The following PSMD14 variants were observed in gnomAD, a reference collection of about 807,000 sequenced individuals.
The protein encoded by PSMD14 is proteasome 26S subunit, non-ATPase 14, also known as ubiquitin C-terminal hydrolase PSMD14.
A neutral mutation model predicts 41.2 loss-of-function variants in PSMD14; 7 were observed. The observed-to-expected ratio is 0.17, with a 90% CI of 0.10 to 0.32. The LOEUF (loss-of-function observed/expected upper bound fraction) is 0.32, where lower values mean the gene tolerates loss of function less well. Among genes scored for constraint, PSMD14 ranks in the 10% least tolerant of loss-of-function variants. PSMD14 has a pLI of 1.00. For missense variants in PSMD14, 139 were observed against 375.6 expected, an observed-to-expected ratio of 0.37 and a Z score of 5.21; for synonymous variants, 114 against 122.3, an observed-to-expected ratio of 0.93 and a Z score of 0.45.
intron 8 of PSMD14, among the ~76,000 whole-genome samples, chr2:161,389,889 GT>G (rs1162637393): frequency 2.8e-3 from 57 of 20,048 alleles, no homozygotes; most frequent in African/African-American, 4.7e-3. Flanking sequence ...CTTTTTTGTT[GT>G]TTTTTTTTTT....
At chr2:161,359,093 T>C (rs1316572277) in intron 3 of PSMD14, among the ~76,000 whole-genome samples, 1 of 152,018 alleles carries the variant, frequency 6.6e-6, no homozygotes, top group Non-Finnish European at 1.5e-5. Context: ...CTTAACCTTC[T>C]GAGTAGCTGG....
At chr2:161,388,518 G>A (rs1033655555) in intron 8 of PSMD14, among the ~76,000 whole-genome samples, 2 of 151,970 alleles carry the variant, frequency 1.3e-5, no homozygotes, top group Admixed American at 1.3e-4. Context: ...AAGTCATTTA[G>A]CAAAAACTCT....
chr2:161,347,561 A>G (rs1325247457), intron 3 of PSMD14, among the ~76,000 whole-genome samples: 1 of 152,234 alleles, frequency 6.6e-6, no homozygotes, highest in Non-Finnish European at 1.5e-5. Flanking sequence ...TTCAAATTAA[A>G]TAGTTAATTG....
At chr2:161,351,128 T>C (rs1328795117) in intron 3 of PSMD14, among the ~76,000 whole-genome samples, 1 of 152,200 alleles carries the variant, frequency 6.6e-6, no homozygotes, top group Non-Finnish European at 1.5e-5. Flanking sequence ...AAGATAAAAA[T>C]TATGTTCTTC....
chr2:161,356,198 C>T (rs926279849), intron 3 of PSMD14, among the ~76,000 whole-genome samples: 6 of 152,058 alleles, frequency 3.9e-5, no homozygotes, highest in African/African-American at 7.2e-5. Flanking sequence ...TGGGTTAGGA[C>T]GATGGGGAAC....
intron 8 of PSMD14, among the ~76,000 whole-genome samples, chr2:161,386,235 ATG>A (rs1168119198): frequency 6.6e-6 from 1 of 151,828 alleles, no homozygotes; most frequent in Non-Finnish European, 1.5e-5. Context: ...ATTATTTTAA[ATG>A]TGTTTTTAAA....
chr2:161,344,587 A>G (rs1683014647), intron 3 of PSMD14, among the ~76,000 whole-genome samples: 2 of 151,884 alleles, frequency 1.3e-5, no homozygotes, highest in South Asian at 4.2e-4. Flanking sequence ...TTTTAAAGAG[A>G]GTTAAATAAG....
chr2:161,318,968 C>A, intron 3 of PSMD14, 95 bp downstream of exon 3: 1 of 925,598 alleles, frequency 1.1e-6, no homozygotes, highest in Non-Finnish European at 1.7e-6. Context: ...AAGAAAATCA[C>A]CTAACAGATA....
intron 3 of PSMD14, among the ~76,000 whole-genome samples, chr2:161,361,077 T>A (rs1356198389): frequency 6.6e-6 from 1 of 152,232 alleles, no homozygotes; most frequent in African/African-American, 2.4e-5. Flanking sequence ...ATGTGCTTCT[T>A]CACCCAGATC....
intron 3 of PSMD14, 90 bp downstream of exon 3, chr2:161,318,963 A>T: frequency 1.0e-6 from 1 of 998,788 alleles, no homozygotes; most frequent in Non-Finnish European, 1.5e-6. Context: ...TCCCCAAGAA[A>T]ATCACCTAAC....
At chr2:161,311,634 T>A (rs926256118) in intron 1 of PSMD14, among the ~76,000 whole-genome samples, 1 of 145,172 alleles carries the variant, frequency 6.9e-6, no homozygotes. Flanking sequence ...CCTTTTTTTT[T>A]TTTTTTTTTT....
intron 9 of PSMD14, among the ~76,000 whole-genome samples, chr2:161,392,258 A>G (rs1034797525): frequency 6.6e-6 from 1 of 152,216 alleles, no homozygotes; most frequent in African/African-American, 2.4e-5. Context: ...GCATTTTTTA[A>G]AAGAACACTG....
At chr2:161,394,284 T>C (rs1311216745) in intron 9 of PSMD14, among the ~76,000 whole-genome samples, 2 of 152,132 alleles carry the variant, frequency 1.3e-5, no homozygotes, top group African/African-American at 2.4e-5. Flanking sequence ...GATAAATCTT[T>C]TATTTGAGAA....
intron 11 of PSMD14, among the ~76,000 whole-genome samples, chr2:161,409,116 T>G (rs1683992575): frequency 6.6e-6 from 1 of 152,124 alleles, no homozygotes; most frequent in African/African-American, 2.4e-5. Context: ...TTATCGTCAG[T>G]GAAAATAATT....
At position 161,311,331 on chromosome 2, in the gene PSMD14, A is replaced by G. The variant is rs987036626; in HGVS notation, c.-138+2727A>G. On this transcript the variant is annotated intron_variant, in intron 1 of 11. Transcript: ENST00000409682. Reference sequence around the variant, plus strand: ...CTCAAAAAAGGAAAAAAAAAATTGCATCTATATTGAACATGTATAGACATT... The same window carrying G: ...CTCAAAAAAGGAAAAAAAAAATTGCGTCTATATTGAACATGTATAGACATT... 8.5e-5 allele frequency among the ~76,000 whole-genome samples: 13 copies of G among 152,202 alleles called. No homozygotes were observed. In the East Asian group the frequency reaches 1.4e-3, roughly 16 times the overall value.
intron 10 of PSMD14, among the ~76,000 whole-genome samples, chr2:161,396,896 C>T (rs1042686429): frequency 6.6e-6 from 1 of 152,128 alleles, no homozygotes; most frequent in Non-Finnish European, 1.5e-5. Context: ...GGGGTGATCT[C>T]AGCTCACTGC....
At chr2:161,313,849 C>T (rs958918640) in intron 1 of PSMD14, among the ~76,000 whole-genome samples, 1 of 152,072 alleles carries the variant, frequency 6.6e-6, no homozygotes, top group African/African-American at 2.4e-5. Context: ...ACTTCTGGTT[C>T]TTGTATTTGT....
chr2:161,318,803 C>A lies in PSMD14; in HGVS notation c.-4-19C>A. Reference sequence around the variant, plus strand: ...ATTTTTGTGCTTAGGAACGTTTTTTCTTTGTTTCTGTTTTCTAGAAATATG... The same window carrying A: ...ATTTTTGTGCTTAGGAACGTTTTTTATTTGTTTCTGTTTTCTAGAAATATG... On this transcript the variant is annotated intron_variant, in intron 2 of 11. Transcript: ENST00000409682. 10 of 1,608,572 alleles carry A rather than the reference C, an allele frequency of 6.2e-6. No individual in the cohort carries two copies. Among genetic ancestry groups the A allele is most frequent in the Non-Finnish European group, 8.5e-6 (10 of 1,176,714 alleles).
chr2:161,395,134 C>T lies in PSMD14; in HGVS notation c.702C>T (p.Tyr234=). The change falls in exon 10 of 12, where the codon TAC becomes TAT. Residue 234 remains tyrosine (Y), a synonymous_variant. Coordinates refer to ENST00000409682, the MANE Select transcript of PSMD14 (RefSeq NM_005805.6). ...TGGAAGGTTTGACACTTCAGGACTACAGTGAACATTGTAAACACAATGAAT... is the reference window on the plus strand; with the variant it reads ...TGGAAGGTTTGACACTTCAGGACTATAGTGAACATTGTAAACACAATGAAT... The part of the protein sequence containing the change: ...SWMEGLTLQD[Y]SEHCKHNESV... 3 of 1,598,462 alleles carry T rather than the reference C, an allele frequency of 1.9e-6. No homozygotes were observed. Among genetic ancestry groups the T allele is most frequent in the Non-Finnish European group, 2.6e-6 (3 of 1,171,116 alleles).
Sources: gnomAD v4.1 joint callset for allele counts (sites outside exome capture counted in the v4.1 genomes callset) on GRCh38, gnomAD v4.1.1 for gene constraint, MANE v1.5 for transcripts, NCBI Gene and HGNC (gene_info 2026-07-23, HGNC 2026-07-21) for gene names.